The following SPEF2 variants were observed in gnomAD, a reference collection of about 807,000 sequenced individuals.
The protein encoded by SPEF2 is sperm flagella and cilia-associated protein 2.
SPEF2 carries 187 observed loss-of-function variants against 224.6 expected under a neutral mutation model. The ratio of observed to expected loss-of-function variants is 0.83; its 90% CI spans 0.74 to 0.94. The LOEUF (loss-of-function observed/expected upper bound fraction) is 0.94. Among genes scored for constraint, SPEF2 ranks in the 40% least tolerant of loss-of-function variants. The pLI, the probability that SPEF2 is intolerant of heterozygous loss-of-function variation, is 0.00. For missense variants in SPEF2, 2,170 were observed against 2,135.6 expected, an observed-to-expected ratio of 1.02 and a Z score of -0.32; for synonymous variants, 715 against 707.3, an observed-to-expected ratio of 1.01 and a Z score of -0.17.
At chr5:35,652,138 A>G (rs961231753) in intron 6 of SPEF2, among the ~76,000 whole-genome samples, 1 of 152,226 alleles carries the variant, frequency 6.6e-6, no homozygotes, top group Non-Finnish European at 1.5e-5. Context: ...AAAAGAAAAT[A>G]TAATCACTGC....
chr5:35,805,563 C>T (rs1412990595), intron 34 of SPEF2, among the ~76,000 whole-genome samples: 1 of 152,050 alleles, frequency 6.6e-6, no homozygotes, highest in Non-Finnish European at 1.5e-5. Flanking sequence ...ATCTGGCCAG[C>T]CAAAAATGCC....
At chr5:35,797,423 C>T (rs1003530012) in intron 33 of SPEF2, among the ~76,000 whole-genome samples, 1 of 151,784 alleles carries the variant, frequency 6.6e-6, no homozygotes, top group Non-Finnish European at 1.5e-5. Context: ...ATGGGTGTCT[C>T]TGAGACTCAA....
intron 24 of SPEF2, among the ~76,000 whole-genome samples, chr5:35,756,819 T>C (rs1005517218): frequency 2.5e-4 from 38 of 152,210 alleles, no homozygotes; most frequent in Non-Finnish European, 4.4e-5. Flanking sequence ...TATCGACATA[T>C]TTAGACATCG....
intron 8 of SPEF2, among the ~76,000 whole-genome samples, chr5:35,665,263 A>T (rs966493580): frequency 6.6e-6 from 1 of 151,934 alleles, no homozygotes; most frequent in Non-Finnish European, 1.5e-5. Flanking sequence ...ATAACCACGG[A>T]GATTTACTAC....
chr5:35,633,058 A>G (rs1051559590), intron 2 of SPEF2: 1 of 152,156 alleles, frequency 6.6e-6, no homozygotes, highest in African/African-American at 2.4e-5. Context: ...TCTAACGTAT[A>G]TTCTCTTTTT....
chr5:35,738,029 TTCATA>T (rs1218353403), intron 21 of SPEF2, among the ~76,000 whole-genome samples: 6 of 152,208 alleles, frequency 3.9e-5, no homozygotes, highest in African/African-American at 1.4e-4. Flanking sequence ...GAAGTGTCTG[TTCATA>T]TCCTTCACCC....
At chr5:35,761,689 T>TA (rs111437857) in intron 25 of SPEF2, among the ~76,000 whole-genome samples, 6,139 of 151,382 alleles carry the variant, frequency 0.041, 372 homozygotes, top group African/African-American at 0.12. Flanking sequence ...TAAAAACAAT[T>TA]AAAAAAAAAT....
At position 35,691,164 on chromosome 5, in the gene SPEF2, C is replaced by G; in HGVS notation, c.1652C>G (p.Thr551Arg). Reference sequence around the variant, plus strand: ...TCTCTTCCTCCTCGAGCGGAATCAACAACACCTGAATTACCTTCATTTGCT... The same window carrying G: ...TCTCTTCCTCCTCGAGCGGAATCAAGAACACCTGAATTACCTTCATTTGCT... ...EKSLPPRAES[T>R]TPELPSFAVK... Residue 551 changes from threonine (T) to arginine (R), a missense_variant, in exon 11 of 37, where the codon ACA (threonine) becomes AGA (arginine). Thr to Arg is a moderately conservative substitution (Grantham distance 71, BLOSUM62 -1). Coordinates refer to ENST00000356031, the MANE Select transcript of SPEF2 (RefSeq NM_024867.4). 6.2e-7 allele frequency: 1 copy of G among 1,614,090 alleles called. No individual in the cohort carries two copies. Among genetic ancestry groups the G allele is most frequent in the Non-Finnish European group, 8.5e-7 (1 of 1,179,992 alleles).
At chr5:35,664,719 G>GA (rs1750212533) in intron 8 of SPEF2, among the ~76,000 whole-genome samples, 3 of 137,292 alleles carry the variant, frequency 2.2e-5, no homozygotes, top group African/African-American at 9.3e-5. Context: ...AGAGAGAGAG[G>GA]GAGGGAGAGA....
intron 14 of SPEF2, among the ~76,000 whole-genome samples, chr5:35,697,221 A>G (rs182677814): frequency 2.0e-5 from 3 of 152,306 alleles, no homozygotes; most frequent in African/African-American, 7.2e-5. Context: ...TAGGCAAAAT[A>G]TAAAAGATAA....
At chr5:35,764,729 C>T (rs1016293228) in intron 26 of SPEF2, 1 of 456,054 alleles carries the variant, frequency 2.2e-6, no homozygotes, top group Non-Finnish European at 4.4e-6. Context: ...CTTTCCAAGT[C>T]CCTTCTTGGC....
At chr5:35,639,118 G>C (rs995350952) in intron 2 of SPEF2, among the ~76,000 whole-genome samples, 1 of 152,166 alleles carries the variant, frequency 6.6e-6, no homozygotes, top group African/African-American at 2.4e-5. Context: ...CAGGGACAAG[G>C]CTTAACAATC....
rs550915640 is a variant in SPEF2, at chr5:35,783,382, A to G, written c.4447+4036A>G. Among the ~76,000 whole-genome samples, 81 of 152,300 alleles carry G rather than the reference A, an allele frequency of 5.3e-4. No individual in the cohort carries two copies. In the South Asian group the frequency reaches 7.9e-3, roughly 15 times the overall value. On this transcript the variant is annotated intron_variant, in intron 30 of 36. Coordinates refer to ENST00000356031, the MANE Select transcript of SPEF2 (RefSeq NM_024867.4). The stretch of plus-strand genomic sequence containing the variant: ...CATCTGTAAAATGAGAATAATAATG[A>G]TACTTATTCCATGTATTGAAATAAG...
At chr5:35,696,734 A>G (rs1755385379) in intron 14 of SPEF2, among the ~76,000 whole-genome samples, 1 of 152,206 alleles carries the variant, frequency 6.6e-6, no homozygotes, top group Non-Finnish European at 1.5e-5. Context: ...GATGAGTGTC[A>G]TGAGAAAAGG....
chr5:35,808,389 T>A (rs1457719743), intron 36 of SPEF2, among the ~76,000 whole-genome samples: 1 of 152,100 alleles, frequency 6.6e-6, no homozygotes, highest in Non-Finnish European at 1.5e-5. Flanking sequence ...CCTAATGCTA[T>A]CCCTCTCCCC....
chr5:35,792,490 T>G, intron 31 of SPEF2, 44 bp downstream of exon 31: 3 of 1,508,506 alleles, frequency 2.0e-6, no homozygotes, highest in Non-Finnish European at 2.8e-6. Context: ...TAAGCATTCT[T>G]ATTTGATCAA....
chr5:35,658,317 G>C (rs1368631257), intron 7 of SPEF2, among the ~76,000 whole-genome samples: 1 of 152,044 alleles, frequency 6.6e-6, no homozygotes, highest in Non-Finnish European at 1.5e-5. Flanking sequence ...CATCTATCTA[G>C]TTTTTCTTTC....
At chr5:35,747,030 C>T (rs531943847) in intron 23 of SPEF2, among the ~76,000 whole-genome samples, 1 of 152,120 alleles carries the variant, frequency 6.6e-6, no homozygotes, top group Non-Finnish European at 1.5e-5. Context: ...CCTCCTCAAA[C>T]GAAACAATTA....
chr5:35,676,721 T>C (rs1252958235), intron 10 of SPEF2, among the ~76,000 whole-genome samples: 1 of 151,706 alleles, frequency 6.6e-6, no homozygotes, highest in Non-Finnish European at 1.5e-5. Flanking sequence ...AGAGTGAGAC[T>C]CTGACTCAAA....
Sources: allele counts gnomAD v4.1 joint callset (sites outside exome capture counted in the v4.1 genomes callset), GRCh38; gene constraint gnomAD v4.1.1; transcripts MANE v1.5; gene names NCBI Gene and HGNC (gene_info 2026-07-23, HGNC 2026-07-21).